The following CLEC17A variants were observed in gnomAD, a reference collection of about 807,000 sequenced individuals.
CLEC17A encodes C-type lectin domain family 17, member A.
A neutral mutation model predicts 61.3 loss-of-function variants in CLEC17A; 37 were observed. The ratio of observed to expected loss-of-function variants is 0.60; its 90% CI spans 0.46 to 0.79. CLEC17A has a LOEUF of 0.79. Ranked by LOEUF, CLEC17A falls within the 30% of genes least tolerant of loss-of-function variation. The pLI is 0.00. For synonymous variants in CLEC17A, 168 were observed against 164.9 expected (o/e 1.02, Z -0.14); for missense variants, 418 against 464.7 (o/e 0.90, Z 0.92).
intron 3 of CLEC17A, among the ~76,000 whole-genome samples, chr19:14,591,677 A>G (rs958046106): frequency 2.7e-5 from 4 of 149,986 alleles, no homozygotes; most frequent in Non-Finnish European, 5.9e-5. Flanking sequence ...CCTCAGCCTC[A>G]CAAGTAGCTG....
chr19:14,599,832 T>G lies in CLEC17A; in HGVS notation c.742+20T>G. ...TATTAGGTAAGTGAGACTTGGGGAA[T>G]TGCCCAGGGATGGGGGGCATGGCAG... On this transcript the variant is annotated intron_variant, in intron 11 of 13. Coordinates refer to ENST00000417570, the MANE Select transcript of CLEC17A (RefSeq NM_001204118.2). 1 of 1,600,522 alleles carries G rather than the reference T, an allele frequency of 6.2e-7. No individual in the cohort carries two copies. Among genetic ancestry groups the G allele is most frequent in the Non-Finnish European group, 8.6e-7 (1 of 1,169,422 alleles).
At chr19:14,606,508 G>A (rs1010801442) in intron 12 of CLEC17A, among the ~76,000 whole-genome samples, 14 of 151,942 alleles carry the variant, frequency 9.2e-5, no homozygotes, top group East Asian at 7.7e-4. Flanking sequence ...GCGAAAGCCC[G>A]TTTCTACTAA....
chr19:14,583,635 T>G (rs1599524746), intron 2 of CLEC17A, among the ~76,000 whole-genome samples: 1 of 151,242 alleles, frequency 6.6e-6, no homozygotes, highest in African/African-American at 2.4e-5. Flanking sequence ...GTGAGCAGGG[T>G]GAGAGAGGAG....
intron 2 of CLEC17A, among the ~76,000 whole-genome samples, chr19:14,585,303 G>T (rs2074259100): frequency 6.6e-6 from 1 of 152,278 alleles, no homozygotes; most frequent in Non-Finnish European, 1.5e-5. Flanking sequence ...CCGAGTAGCT[G>T]GGGTTACAGG....
chr19:14,596,872 C>A lies in CLEC17A; in HGVS notation c.446-4C>A. On this transcript the variant is annotated splice_polypyrimidine_tract_variant and splice_region_variant and intron_variant, in intron 8 of 13. Transcript: ENST00000417570. ...GTCTCTCTGTTCCCATCCCCACTCC[C>A]CAGCAACTCCAGTCCCCTGGCTCAA... 6.2e-7 allele frequency: 1 copy of A among 1,608,154 alleles called. No individual in the cohort carries two copies. Among genetic ancestry groups the A allele is most frequent in the Non-Finnish European group, 8.5e-7 (1 of 1,177,636 alleles).
intron 3 of CLEC17A, among the ~76,000 whole-genome samples, chr19:14,591,615 G>A (rs1303104447): frequency 3.3e-5 from 5 of 149,842 alleles, no homozygotes; most frequent in Non-Finnish European, 3.0e-5. Flanking sequence ...GTGCAGTGGT[G>A]CGATCTCAGC....
chr19:14,608,383 T>C (rs1181582500), intron 13 of CLEC17A, among the ~76,000 whole-genome samples: 2 of 152,100 alleles, frequency 1.3e-5, no homozygotes, highest in East Asian at 3.9e-4. Context: ...CCACCCCCAG[T>C]CATTCCCATT....
intron 2 of CLEC17A, among the ~76,000 whole-genome samples, chr19:14,585,492 C>T (rs1173698428): frequency 6.6e-6 from 1 of 152,100 alleles, no homozygotes; most frequent in Non-Finnish European, 1.5e-5. Flanking sequence ...CCCACAATGA[C>T]TCAGAGCTGG....
chr19:14,607,826 T>C (rs2074939801), intron 13 of CLEC17A, among the ~76,000 whole-genome samples: 1 of 151,974 alleles, frequency 6.6e-6, no homozygotes, highest in African/African-American at 2.4e-5. Context: ...TCTGCCCACC[T>C]TGGCCTCCCA....
chr19:14,586,707 A>G (rs1251821199), intron 2 of CLEC17A, among the ~76,000 whole-genome samples: 1 of 151,814 alleles, frequency 6.6e-6, no homozygotes, highest in East Asian at 2.0e-4. Context: ...GATTATAGGC[A>G]TGAGCCATTG....
In CLEC17A at chr19:14,608,270, C is replaced by T. The variant is rs116614726; in HGVS notation, c.1004+1168C>T. ...CCTTCTGCTGCCCCTTGGACTTCCA[C>T]ATCACCTAACAACTAAAGGATTTGT... On this transcript the variant is annotated intron_variant, in intron 13 of 13. Coordinates refer to ENST00000417570, the MANE Select transcript of CLEC17A (RefSeq NM_001204118.2). Among the ~76,000 whole-genome samples the T allele has an allele frequency of 7.8e-3, 1,187 of 152,310 alleles. 16 individuals carry two copies. The highest frequency in any genetic ancestry group is 0.028 in the African/African-American group (1,152 of 41,556).
At chr19:14,599,529 C>T (rs568906630) in intron 10 of CLEC17A, 188 bp from the exon 11 acceptor site, 2 of 663,194 alleles carry the variant, frequency 3.0e-6, no homozygotes, top group South Asian at 3.3e-5. Context: ...GGGATTGATC[C>T]CTCCTCTGAG....
intron 1 of CLEC17A, 74 bp downstream of exon 1, chr19:14,583,277 G>A: frequency 6.2e-7 from 1 of 1,612,854 alleles, no homozygotes. Context: ...CCACCATGGG[G>A]CAGCTGAGGC....
At position 14,597,286 on chromosome 19, in the gene CLEC17A, A is replaced by G. The variant is rs1004135618; in HGVS notation, c.646+125A>G. Reference sequence around the variant, plus strand: ...GCACTGTGCTAGGTACCAGGGGGTTAAAATGGTAAACATGTCAGACACAGT... The same window carrying G: ...GCACTGTGCTAGGTACCAGGGGGTTGAAATGGTAAACATGTCAGACACAGT... On this transcript the variant is annotated intron_variant, in intron 10 of 13. Coordinates refer to ENST00000417570, the MANE Select transcript of CLEC17A (RefSeq NM_001204118.2). 1.7e-5 allele frequency: 14 copies of G among 826,684 alleles called. No homozygotes were observed. In the African/African-American group the frequency reaches 2.0e-4, roughly 12 times the overall value. The allele number at this position is 826,684 out of a possible 1,614,324, so 51.2% of individuals were successfully genotyped here. A position where few individuals can be genotyped will look rare whatever the true frequency, so the allele number is the denominator to read the frequency against.
Position 14,606,984 on chromosome 19 carries a change from T to TATTTGCA in CLEC17A, c.895-8_895-2dup. ...GGAATGGCTGGCTGAATGGAATTTT[T>TATTTGCA]ATTTGCAGAATTTTGTGGCCAAGGC... On this transcript the variant is annotated splice_polypyrimidine_tract_variant and intron_variant, in intron 12 of 13. Transcript: ENST00000417570. 1.6e-6 allele frequency: 2 copies of TATTTGCA among 1,269,296 alleles called. No homozygotes were observed. Among genetic ancestry groups the TATTTGCA allele is most frequent in the African/African-American group, 3.1e-5 (2 of 65,448 alleles). 78.6% of individuals were successfully genotyped at this position (1,269,296 alleles called of 1,614,324 possible).
Position 14,587,761 on chromosome 19 carries a change from G to A in CLEC17A, c.199+70G>A, listed in dbSNP as rs546554747. Reference sequence around the variant, plus strand: ...GGGGTCTCCAGTGGGCATTGGTTGGGCATTGTAGACACACAGTCAGTCTCC... The same window carrying A: ...GGGGTCTCCAGTGGGCATTGGTTGGACATTGTAGACACACAGTCAGTCTCC... On this transcript the variant is annotated intron_variant, in intron 3 of 13. Transcript: ENST00000417570. 1.9e-6 allele frequency: 3 copies of A among 1,596,108 alleles called. No individual in the cohort carries two copies. The South Asian group carries it at 3.4e-5, about 18-fold the overall frequency.
Position 14,596,903 on chromosome 19 carries a change from G to T in CLEC17A, c.473G>T (p.Arg158Met), listed in dbSNP as rs374642912. The T allele has an allele frequency of 8.7e-6, 14 of 1,608,532 alleles. No individual in the cohort carries two copies. The highest frequency in any genetic ancestry group is 4.0e-5 in the African/African-American group (3 of 74,730). The change falls in exon 9 of 14, where the codon AGG (arginine) becomes ATG (methionine). Residue 158 changes from arginine to methionine, a missense_variant. Coordinates refer to ENST00000417570, the MANE Select transcript of CLEC17A (RefSeq NM_001204118.2). Reference protein sequence around the residue: ...AATPVPWLNQRSGGPGCCQKR... With the variant: ...AATPVPWLNQMSGGPGCCQKR... ...ACTCCAGTCCCCTGGCTCAATCAGA[G>T]GTCTGGAGGTCCTGGCTGCTGCCAG...
At chr19:14,607,550 A>ATTTAT (rs371571527) in intron 13 of CLEC17A, among the ~76,000 whole-genome samples, 30 of 141,486 alleles carry the variant, frequency 2.1e-4, no homozygotes, top group African/African-American at 8.1e-4. Flanking sequence ...ATTTTATTTT[A>ATTTAT]TTATTTATTT....
rs1486771021 is a variant in CLEC17A, at chr19:14,610,567, A to T, written c.*371A>T. Reference sequence around the variant, plus strand: ...TGAAATATCCTGGCGCCTGTGAACCACAAAGAGCTGGGACTGGGCTCCTTT... The same window carrying T: ...TGAAATATCCTGGCGCCTGTGAACCTCAAAGAGCTGGGACTGGGCTCCTTT... On this transcript the variant is annotated 3_prime_UTR_variant, in exon 14 of 14. Coordinates refer to ENST00000417570, the MANE Select transcript of CLEC17A (RefSeq NM_001204118.2). 1 of 195,146 alleles carries T rather than the reference A, an allele frequency of 5.1e-6. No homozygotes were observed. The highest frequency in any genetic ancestry group is 1.4e-4 in the East Asian group (1 of 7,262). The allele number at this position is 195,146 out of a possible 1,614,324, so 12.1% of individuals were successfully genotyped here.
Sources: gnomAD v4.1 joint callset for allele counts (sites outside exome capture counted in the v4.1 genomes callset) on GRCh38, gnomAD v4.1.1 for gene constraint, MANE v1.5 for transcripts, NCBI Gene and HGNC (gene_info 2026-07-23, HGNC 2026-07-21) for gene names.